SSR4: variants seen among roughly 807,000 people sequenced by gnomAD.
The protein encoded by SSR4 is translocon-associated protein subunit delta.
For missense variants in SSR4, 125 were observed against 148.8 expected (o/e 0.84, Z 0.83); for synonymous variants, 84 against 65.6 (o/e 1.28, Z -1.35).
At chrX:153,797,656 TCGGCACTGGTGGTCAGGGTGGC>T (rs781970879) in intron 3 of SSR4, 47 bp from the exon 4 acceptor site, 57 of 1,115,843 alleles carry the variant, frequency 5.1e-5, no homozygotes, top group Non-Finnish European at 8.6e-6. Flanking sequence ...TGCTGCAGTG[TCGGCACTGGTGGTCAGGGTGGC>T]CCCTCCGTGT....
In SSR4 at chrX:153,794,773, C is replaced by T. The variant is rs782265237; in HGVS notation, c.67+19C>T. 4.1e-6 allele frequency: 5 copies of T among 1,205,713 alleles called. No homozygotes were observed. The highest frequency in any genetic ancestry group is 3.6e-5 in the South Asian group (2 of 56,226). ...TGCTCAGGTAGCGGCCCAGCCGGGG[C>T]TTCTTTCTTGCGAGCCTCTGACCCA... On this transcript the variant is annotated intron_variant, in intron 1 of 5. Transcript: ENST00000370086.
intron 1 of SSR4, chrX:153,795,612 GA>G (rs1360420897): frequency 2.7e-6 from 2 of 740,364 alleles, no homozygotes; most frequent in Non-Finnish European, 3.2e-6. Flanking sequence ...GCAGGACACA[GA>G]AGGGCTGGCG....
At chrX:153,794,225 CG>C, upstream of SSR4, 1 of 1,173,958 alleles carries the variant, frequency 8.5e-7, no homozygotes, top group Non-Finnish European at 1.1e-6. Flanking sequence ...GCCGCGGTCC[CG>C]TGGCTCTTTC....
upstream of SSR4, chrX:153,794,531 G>T (rs991321163): frequency 7.2e-5 from 84 of 1,165,863 alleles, 1 homozygote; most frequent in Non-Finnish European, 9.4e-5. Context: ...CCCTGGCTCA[G>T]GGAGGGGCCA....
upstream of SSR4, chrX:153,794,624 T>C: frequency 2.5e-6 from 3 of 1,208,555 alleles, no homozygotes; most frequent in Non-Finnish European, 3.4e-6. Flanking sequence ...CGCGTCGCTC[T>C]TCCTCGTTTG....
At position 153,798,060 on chromosome X, in the gene SSR4, C is replaced by T; in HGVS notation, c.352-11C>T. 1 of 1,209,192 alleles carries T rather than the reference C, an allele frequency of 8.3e-7. No homozygotes were observed. The highest frequency in any genetic ancestry group is 1.1e-6 in the Non-Finnish European group (1 of 894,155). On this transcript the variant is annotated splice_polypyrimidine_tract_variant and intron_variant, in intron 4 of 5. Transcript: ENST00000370086. ...CCTGACCCCAGCACCTCCCTTGCAC[C>T]TCCCTTGCAGGCTCAGAGGAATAAC...
Position 153,798,408 on chromosome X carries a change from G to T in SSR4, c.497G>T (p.Ser166Ile). 2 of 1,195,133 alleles carry T rather than the reference G, an allele frequency of 1.7e-6. No individual in the cohort carries two copies. The highest frequency in any genetic ancestry group is 2.3e-6 in the Non-Finnish European group (2 of 887,084). The change falls in exon 6 of 6, where the codon AGT (serine) becomes ATT (isoleucine). Residue 166 changes from serine to isoleucine, a missense_variant. Transcript: ENST00000370086. ...CTTGTGATCTACTACTTGGCCTTCA[G>T]TGCGAAGAGCCACATCCAGGCCTGA... ...IGLVIYYLAF[S>I]AKSHIQA
chrX:153,798,125 G>C lies in SSR4; in HGVS notation c.406G>C (p.Val136Leu). 8.3e-7 allele frequency: 1 copy of C among 1,210,885 alleles called. No individual in the cohort carries two copies. The highest frequency in any genetic ancestry group is 1.1e-6 in the Non-Finnish European group (1 of 895,037). ...SIIPPLFTVS[V>L]DHRGTWNGPW... ...CATCCCGCCTCTGTTTACAGTCAGC[G>C]TGGACCATCGGGTGAGTGGCCTGGT... Residue 136 changes from valine to leucine, a missense_variant, in exon 5 of 6, where the codon GTG (valine) becomes CTG (leucine). Val to Leu is a conservative substitution (Grantham distance 32). Coordinates refer to ENST00000370086, the MANE Select transcript of SSR4 (RefSeq NM_006280.3).
Position 153,798,098 on chromosome X carries a change from A to G in SSR4, c.379A>G (p.Ile127Val), listed in dbSNP as rs1557073183. The change falls in exon 5 of 6, where the codon ATC (isoleucine) becomes GTC (valine). Residue 127 changes from isoleucine to valine, a missense_variant. Transcript: ENST00000370086. ...KAQRNNEDISIIPPLFTVSVD... is the reference protein window; with the variant it reads ...KAQRNNEDISVIPPLFTVSVD... Reference sequence around the variant, plus strand: ...TCAGAGGAATAACGAGGACATTTCCATCATCCCGCCTCTGTTTACAGTCAG... The same window carrying G: ...TCAGAGGAATAACGAGGACATTTCCGTCATCCCGCCTCTGTTTACAGTCAG... 2 of 1,199,819 alleles carry G rather than the reference A, an allele frequency of 1.7e-6. No individual in the cohort carries two copies. Among genetic ancestry groups the G allele is most frequent in the Non-Finnish European group, 2.2e-6 (2 of 893,122 alleles).
In SSR4 at chrX:153,797,358, C is replaced by T. The variant is rs2092147887; in HGVS notation, c.187-100C>T. On this transcript the variant is annotated intron_variant, in intron 2 of 5. Coordinates refer to ENST00000370086, the MANE Select transcript of SSR4 (RefSeq NM_006280.3). ...GGGACACTGCAGCCCCCAACTGGGC[C>T]TAGCCTGCCCACCTGCAGGCCGTGT... 5 of 757,298 alleles carry T rather than the reference C, an allele frequency of 6.6e-6. No individual in the cohort carries two copies. The Admixed American group carries it at 9.1e-5, about 14-fold the overall frequency. The allele number at this position is 757,298 out of a possible 1,213,427, so 62.4% of individuals were successfully genotyped here. A position where few individuals can be genotyped will look rare whatever the true frequency, so the allele number is the denominator to read the frequency against.
chrX:153,798,321 T>C lies in SSR4; in HGVS notation c.418-8T>C. The C allele has an allele frequency of 8.3e-7, 1 of 1,206,773 alleles. No individual in the cohort carries two copies. The highest frequency in any genetic ancestry group is 1.7e-5 in the African/African-American group (1 of 57,876). ...CCCTGAGCTGGCTTGTGATCTCCTT[T>C]TTTTCAGGGCACTTGGAACGGGCCC... On this transcript the variant is annotated splice_region_variant and splice_polypyrimidine_tract_variant and intron_variant, in intron 5 of 5. Transcript: ENST00000370086.
intron 4 of SSR4, 62 bp downstream of exon 4, chrX:153,797,876 G>A (rs1298314234): frequency 7.9e-6 from 8 of 1,007,985 alleles, no homozygotes; most frequent in Admixed American, 2.6e-5. Flanking sequence ...GGCTGGGTTG[G>A]GAGGTGCTGG....
chrX:153,794,490 A>G (rs1215817602), upstream of SSR4: 23 of 1,152,603 alleles, frequency 2.0e-5, no homozygotes, highest in Non-Finnish European at 2.4e-5. Context: ...CGCTGCCGCC[A>G]TGTTGAGGGG....
intron 2 of SSR4, chrX:153,796,921 C>T (rs781872052): frequency 4.6e-5 from 9 of 195,214 alleles, no homozygotes; most frequent in Admixed American, 1.4e-4. Context: ...CACTCTGTTG[C>T]CTCAGCTGGA....
intron 1 of SSR4, chrX:153,796,000 C>A: frequency 3.5e-6 from 1 of 288,931 alleles, no homozygotes; most frequent in Non-Finnish European, 4.8e-6. Context: ...TCTTGAAAGC[C>A]CCAGTGCATT....
intron 1 of SSR4, chrX:153,795,590 G>C (rs1377074678): frequency 1.4e-6 from 1 of 701,829 alleles, no homozygotes; most frequent in Non-Finnish European, 1.7e-6. Context: ...ACAGGAAGCA[G>C]GCCCAACTTA....
Position 153,794,713 on chromosome X carries a change from C to T in SSR4, c.26C>T (p.Ala9Val). Reference protein sequence around the residue: MAAMASLGALALLLLSSLS... With the variant: MAAMASLGVLALLLLSSLS... ...ATGGCGGCGATGGCATCTCTCGGCG[C>T]CCTGGCGCTGCTCCTGCTGTCCAGC... is the stretch of plus-strand genomic sequence containing the variant. Residue 9 changes from alanine to valine, a missense_variant, in exon 1 of 6, where the codon GCC becomes GTC. Ala to Val is a moderately conservative substitution (Grantham distance 64, BLOSUM62 0). Transcript: ENST00000370086. 1 of 1,212,189 alleles carries T rather than the reference C, an allele frequency of 8.2e-7. No individual in the cohort carries two copies. Among genetic ancestry groups the T allele is most frequent in the African/African-American group, 1.7e-5 (1 of 58,098 alleles).
intron 4 of SSR4, 51 bp from the exon 5 acceptor site, chrX:153,798,020 C>CCCA: frequency 1.0e-6 from 1 of 997,247 alleles, no homozygotes; most frequent in Non-Finnish European, 1.4e-6. Flanking sequence ...TCCCCACCCC[C>CCCA]ACACGCCAGG....
chrX:153,796,775 G>T (rs1194388932), intron 2 of SSR4: 1 of 384,739 alleles, frequency 2.6e-6, no homozygotes, highest in Non-Finnish European at 4.5e-6. Context: ...CTCACCACCC[G>T]CTGTTTCCTG....
Sources: gnomAD v4.1 joint callset for allele counts on GRCh38, gnomAD v4.1.1 for gene constraint, MANE v1.5 for transcripts, NCBI Gene and HGNC (gene_info 2026-07-23, HGNC 2026-07-21) for gene names.